DNM2: variants seen among roughly 807,000 people sequenced by gnomAD.
DNM2 encodes dynamin-2.
In DNM2, 15 loss-of-function variants were observed where a neutral mutation model predicts 99.0. The ratio of observed to expected loss-of-function variants is 0.15; its 90% CI spans 0.10 to 0.23. DNM2 has a LOEUF of 0.23. DNM2 is among the 10% of genes least tolerant of loss of function. The pLI is 1.00. For missense variants in DNM2, 742 were observed against 1,189.4 expected (o/e 0.62, Z 5.53); for synonymous variants, 525 against 481.2 (o/e 1.09, Z -1.19).
At chr19:10,782,897 C>T in intron 5 of DNM2, 63 bp from the exon 6 acceptor site, 4 of 1,610,502 alleles carry the variant, frequency 2.5e-6, no homozygotes, top group Non-Finnish European at 3.4e-6. Flanking sequence ...TCTTGCCCAT[C>T]CCCGTGCCAG....
At chr19:10,744,673 T>G (rs977367421) in intron 1 of DNM2, among the ~76,000 whole-genome samples, 1 of 152,132 alleles carries the variant, frequency 6.6e-6, no homozygotes, top group African/African-American at 2.4e-5. Context: ...GCAGACACAG[T>G]GAGCGTTCAC....
chr19:10,766,496 G>A (rs1292456138), intron 2 of DNM2, among the ~76,000 whole-genome samples: 7 of 152,186 alleles, frequency 4.6e-5, no homozygotes, highest in African/African-American at 1.7e-4. Flanking sequence ...AGGTGCAGGG[G>A]ATTGACTGTT....
intron 15 of DNM2, among the ~76,000 whole-genome samples, chr19:10,814,448 G>C (rs781658551): frequency 4.6e-5 from 7 of 151,952 alleles, no homozygotes; most frequent in Non-Finnish European, 1.0e-4. Context: ...TGGGCAACAA[G>C]AGTGAAAGTG....
chr19:10,772,596 T>C lies in DNM2; in HGVS notation c.353T>C (p.Val118Ala). The stretch of plus-strand genomic sequence containing the variant: ...GGGACCAACAAAGGCATCTCCCCAG[T>C]GCCCATCAACCTTCGAGTCTACTCG... ...VTGTNKGISP[V>A]PINLRVYSPH... The change falls in exon 3 of 21, where the codon GTG becomes GCG. Residue 118 changes from valine (V) to alanine (A), a missense_variant. Physicochemically the swap from Val to Ala is moderately conservative, Grantham distance 64. Coordinates refer to ENST00000389253, the MANE Select transcript of DNM2 (RefSeq NM_001005361.3). The surrounding 1 kb of genome is among the most constrained non-coding windows in gnomAD (Gnocchi z 4.9). 1 of 1,614,164 alleles carries C rather than the reference T, an allele frequency of 6.2e-7. No homozygotes were observed. Among genetic ancestry groups the C allele is most frequent in the Non-Finnish European group, 8.5e-7 (1 of 1,180,030 alleles).
intron 5 of DNM2, among the ~76,000 whole-genome samples, chr19:10,779,373 G>A (rs536030030): frequency 2.0e-5 from 3 of 151,762 alleles, no homozygotes; most frequent in South Asian, 2.1e-4. Flanking sequence ...CCAGCAGAGC[G>A]GTGCATTTGC....
intron 3 of DNM2, among the ~76,000 whole-genome samples, chr19:10,774,154 C>T (rs1219599085): frequency 6.6e-6 from 1 of 152,188 alleles, no homozygotes; most frequent in Admixed American, 6.5e-5. Context: ...ACAATGCAAA[C>T]ATGAGCTGGG....
intron 1 of DNM2, among the ~76,000 whole-genome samples, chr19:10,729,134 C>T (rs1280961400): frequency 5.0e-5 from 5 of 100,622 alleles, no homozygotes; most frequent in African/African-American, 7.8e-5. Context: ...CACTGCACTC[C>T]AGCCTGGGCG....
chr19:10,782,293 C>T (rs1406782850), intron 5 of DNM2, among the ~76,000 whole-genome samples: 1 of 152,174 alleles, frequency 6.6e-6, no homozygotes, highest in Non-Finnish European at 1.5e-5. Context: ...CTCGGCCTCC[C>T]AAAGTGTTGG....
At chr19:10,822,645 T>G (rs1376280306) in intron 16 of DNM2, among the ~76,000 whole-genome samples, 1 of 151,900 alleles carries the variant, frequency 6.6e-6, no homozygotes, top group African/African-American at 2.4e-5. Context: ...ATTACAGGCA[T>G]GCAGTACCAC....
intron 1 of DNM2, among the ~76,000 whole-genome samples, chr19:10,739,568 A>G (rs1026998887): frequency 6.6e-6 from 1 of 152,102 alleles, no homozygotes; most frequent in Admixed American, 6.6e-5. Flanking sequence ...AGATTCATCC[A>G]TGCTGGTTGG....
At chr19:10,725,995 C>T (rs1356829427) in intron 1 of DNM2, among the ~76,000 whole-genome samples, 2 of 151,950 alleles carry the variant, frequency 1.3e-5, no homozygotes, top group Non-Finnish European at 2.9e-5. Context: ...CCGAGGCGGG[C>T]GGATCACGGG....
intron 13 of DNM2, among the ~76,000 whole-genome samples, chr19:10,807,700 C>T (rs754481180): frequency 1.3e-5 from 2 of 148,494 alleles, no homozygotes; most frequent in Non-Finnish European, 3.0e-5. Context: ...AGGAGCCTGC[C>T]ACCACCCCTG....
rs890015630 is a variant in DNM2, at chr19:10,795,910, G to C, written c.1196+471G>C. 6 of 1,327,680 alleles carry C rather than the reference G, an allele frequency of 4.5e-6. No homozygotes were observed. Among genetic ancestry groups the C allele is most frequent in the African/African-American group, 1.4e-5 (1 of 69,440 alleles). 82.2% of individuals were successfully genotyped at this position (1,327,680 alleles called of 1,614,324 possible). ...CGTGGGGTCCTCGGGTCACCCTGAG[G>C]GTTTCCGGGCAGTGGACTCAGGCAT... On this transcript the variant is annotated intron_variant, in intron 9 of 20. Transcript: ENST00000389253. The surrounding 1 kb of genome is among the most constrained non-coding windows in gnomAD (Gnocchi z 4.2).
chr19:10,772,894 A>G lies in DNM2; in HGVS notation c.385+266A>G, dbSNP rs1599523792. Among the ~76,000 whole-genome samples the G allele has an allele frequency of 6.6e-6, 1 of 151,802 alleles. No homozygotes were observed. The highest frequency in any genetic ancestry group is 1.5e-5 in the Non-Finnish European group (1 of 67,996). On this transcript the variant is annotated intron_variant, in intron 3 of 20. Coordinates refer to ENST00000389253, the MANE Select transcript of DNM2 (RefSeq NM_001005361.3). This position sits in a 1 kb window ranked among gnomAD's most constrained non-coding sequence, Gnocchi z 4.9. ...TTGCAGCCATTTCCCCCTTTTACCA[A>G]GGGCAGCCACCACTTGGCTCAAGGC...
At chr19:10,762,621 G>T (rs2070671227) in intron 2 of DNM2, among the ~76,000 whole-genome samples, 1 of 152,200 alleles carries the variant, frequency 6.6e-6, no homozygotes, top group South Asian at 2.1e-4. Context: ...GGCCTACCCA[G>T]TACCTGACCC....
Position 10,805,929 on chromosome 19 carries a change from A to T in DNM2, c.1507A>T (p.Ser503Cys). ...CTTTGGTTTCAGTGCCCAGCAGAGG[A>T]GCACGCAGCTGAACAAGAAGAGAGC... ...FIGFANAQQR[S>C]TQLNKKRAIP... The change falls in exon 13 of 21, where the codon AGC becomes TGC. Residue 503 changes from serine to cysteine, a missense_variant. Ser to Cys is a moderately radical substitution (Grantham distance 112). Transcript: ENST00000389253. The T allele has an allele frequency of 6.2e-7, 1 of 1,614,036 alleles. No homozygotes were observed. Among genetic ancestry groups the T allele is most frequent in the East Asian group, 2.2e-5 (1 of 44,876 alleles).
intron 15 of DNM2, among the ~76,000 whole-genome samples, chr19:10,819,308 C>T (rs988106660): frequency 2.0e-5 from 3 of 152,126 alleles, no homozygotes; most frequent in African/African-American, 7.2e-5. Flanking sequence ...GCACCTGGCC[C>T]AGGACCTATC....
chr19:10,781,761 C>G (rs966334053), intron 5 of DNM2: 7 of 152,132 alleles, frequency 4.6e-5, no homozygotes, highest in African/African-American at 1.4e-4. Flanking sequence ...AAACAAAAAA[C>G]CCCACAAAAC....
At position 10,796,727 on chromosome 19, in the gene DNM2, G is replaced by C. The variant is rs1187001235; in HGVS notation, c.1197-653G>C. Among the ~76,000 whole-genome samples the C allele has an allele frequency of 6.6e-6, 1 of 152,206 alleles. No homozygotes were observed. Among genetic ancestry groups the C allele is most frequent in the Non-Finnish European group, 1.5e-5 (1 of 67,998 alleles). On this transcript the variant is annotated intron_variant, in intron 9 of 20. Coordinates refer to ENST00000389253, the MANE Select transcript of DNM2 (RefSeq NM_001005361.3). This position sits in a 1 kb window ranked among gnomAD's most constrained non-coding sequence, Gnocchi z 5.6. ...CCCCTGCCCACCCCCTGCACCCCACGCTGTCCCCCAGGGGCAGCCCATTTT... is the reference window on the plus strand; with the variant it reads ...CCCCTGCCCACCCCCTGCACCCCACCCTGTCCCCCAGGGGCAGCCCATTTT...
Sources: allele counts gnomAD v4.1 joint callset (sites outside exome capture counted in the v4.1 genomes callset), GRCh38; gene constraint gnomAD v4.1.1; non-coding constraint Gnocchi (gnomAD v3.1); transcripts MANE v1.5; gene names NCBI Gene and HGNC (gene_info 2026-07-23, HGNC 2026-07-21).